The following CA3 variants were observed in gnomAD, a reference collection of about 807,000 sequenced individuals.
The protein encoded by CA3 is carbonic anhydrase 3.
Under a neutral mutation model 35.7 loss-of-function variants are expected in CA3, and 30 were observed. That is an observed-to-expected ratio of 0.84 (90% CI 0.63 to 1.14). CA3 has a LOEUF of 1.14. CA3 is among the 50% of genes most tolerant of loss of function. The pLI, the probability that CA3 is intolerant of heterozygous loss-of-function variation, is 0.00. For synonymous variants in CA3, 131 were observed against 130.8 expected (o/e 1.00, Z -0.01); for missense variants, 295 against 328.5 (o/e 0.90, Z 0.79).
At chr8:85,442,355 C>G in intron 3 of CA3, 164 bp downstream of exon 3, 2 of 597,658 alleles carry the variant, frequency 3.3e-6, no homozygotes, top group South Asian at 1.9e-5. Context: ...GCTGAACATT[C>G]TAGGCTAGAC....
At position 85,442,182 on chromosome 8, in the gene CA3, T is replaced by C. The variant is rs773188037; in HGVS notation, c.342T>C (p.Tyr114=). The change falls in exon 3 of 7, where the codon TAT becomes TAC. Residue 114 remains tyrosine, a synonymous_variant. Coordinates refer to ENST00000285381, the MANE Select transcript of CA3 (RefSeq NM_005181.4). ...AGCACACCGTGGATGGAGTCAAGTATGCAGCGGAGGTAAGAGGAACTGCCA... is the reference window on the plus strand; with the variant it reads ...AGCACACCGTGGATGGAGTCAAGTACGCAGCGGAGGTAAGAGGAACTGCCA... ...GSEHTVDGVK[Y]AAELHLVHWN... The C allele has an allele frequency of 4.2e-5, 66 of 1,556,418 alleles. No homozygotes were observed. The highest frequency in any genetic ancestry group is 5.3e-5 in the Non-Finnish European group (60 of 1,127,252).
At position 85,448,029 on chromosome 8, in the gene CA3, T is replaced by C. The variant is rs201356290; in HGVS notation, c.664-5T>C. The C allele has an allele frequency of 7.2e-5, 116 of 1,610,416 alleles. No homozygotes were observed. In the East Asian group the frequency reaches 2.4e-3, roughly 33 times the overall value. ...TTGTTAACAGTCTGCCCCTGCCCTT[T>C]GCAGATGGCCAAGCTGCGGAGCCTC... On this transcript the variant is annotated splice_region_variant and splice_polypyrimidine_tract_variant and intron_variant, in intron 6 of 6. Coordinates refer to ENST00000285381, the MANE Select transcript of CA3 (RefSeq NM_005181.4).
intron 2 of CA3, 130 bp from the exon 3 acceptor site, chr8:85,441,943 G>A: frequency 2.9e-6 from 2 of 684,616 alleles, no homozygotes. Context: ...TGTCCTGGGA[G>A]TGGCACCATC....
chr8:85,442,167 G>T lies in CA3; in HGVS notation c.327G>T (p.Val109=), dbSNP rs1811217144. ...SSDDHGSEHT[V]DGVKYAAELH... ...ATGATCATGGCTCTGAGCACACCGT[G>T]GATGGAGTCAAGTATGCAGCGGAGG... is the stretch of plus-strand genomic sequence containing the variant. The change falls in exon 3 of 7, where the codon GTG becomes GTT. Residue 109 remains valine (V), a synonymous_variant. Coordinates refer to ENST00000285381, the MANE Select transcript of CA3 (RefSeq NM_005181.4). 6.3e-7 allele frequency: 1 copy of T among 1,599,668 alleles called. No homozygotes were observed. Among genetic ancestry groups the T allele is most frequent in the Admixed American group, 1.7e-5 (1 of 59,996 alleles).
intron 2 of CA3, among the ~76,000 whole-genome samples, chr8:85,440,559 A>G (rs2130499844): frequency 6.6e-6 from 1 of 152,322 alleles, no homozygotes. Flanking sequence ...AAATCTCTTT[A>G]TTTCACCTAC....
At position 85,443,206 on chromosome 8, in the gene CA3, A is replaced by T. The variant is rs1247213912; in HGVS notation, c.352-828A>T. Among the ~76,000 whole-genome samples the T allele has an allele frequency of 2.0e-5, 3 of 152,200 alleles. No individual in the cohort carries two copies. In the East Asian group the frequency reaches 5.8e-4, roughly 29 times the overall value. ...ACTCTCTGTCTCAGTTAACTCATTA[A>T]AGAAAAACATGAATTTTAACTCAGA... On this transcript the variant is annotated intron_variant, in intron 3 of 6. Coordinates refer to ENST00000285381, the MANE Select transcript of CA3 (RefSeq NM_005181.4).
rs1027869180 is a variant in CA3 at position 85,438,930 on chromosome 8, C to T, written c.21C>T (p.Tyr7=). Residue 7 remains tyrosine (Y), a synonymous_variant, in exon 1 of 7, where the codon TAC becomes TAT. Transcript: ENST00000285381. ...CGACCATGGCCAAGGAGTGGGGCTA[C>T]GCCAGTCACAACGGTGAGTGCAGGC... MAKEWG[Y]ASHNGPDHWH... 3 of 1,551,042 alleles carry T rather than the reference C, an allele frequency of 1.9e-6. No homozygotes were observed. Among genetic ancestry groups the T allele is most frequent in the Non-Finnish European group, 1.7e-6 (2 of 1,146,982 alleles).
Position 85,448,723 on chromosome 8 carries a change from T to A in CA3, c.*570T>A, listed in dbSNP as rs1811329208. The A allele has an allele frequency of 6.6e-6, 1 of 152,254 alleles. No homozygotes were observed. Among genetic ancestry groups the A allele is most frequent in the Non-Finnish European group, 1.5e-5 (1 of 68,042 alleles). The allele number at this position is 152,254 out of a possible 1,614,324, so 9.4% of individuals were successfully genotyped here. On this transcript the variant is annotated 3_prime_UTR_variant, in exon 7 of 7. Transcript: ENST00000285381. ...TTATTGAAGTTTTAGCTACTAAGAT[T>A]ACTTGGTTTTGATTACCAGTGAAAA...
chr8:85,441,684 G>A (rs1363286225), intron 2 of CA3, among the ~76,000 whole-genome samples: 1 of 152,178 alleles, frequency 6.6e-6, no homozygotes, highest in Non-Finnish European at 1.5e-5. Context: ...CTAGCAAGGG[G>A]TGAAGCCAGC....
At chr8:85,443,192 CA>C (rs1188802565) in intron 3 of CA3, among the ~76,000 whole-genome samples, 1 of 152,164 alleles carries the variant, frequency 6.6e-6, no homozygotes, top group Non-Finnish European at 1.5e-5. Flanking sequence ...CTCTCTGTCT[CA>C]GTTAACTCAT....
Position 85,439,280 on chromosome 8 carries a change from C to T in CA3, c.34+337C>T, listed in dbSNP as rs1334821571. Among the ~76,000 whole-genome samples, 4 of 152,126 alleles carry T rather than the reference C, an allele frequency of 2.6e-5. No homozygotes were observed. In the East Asian group the frequency reaches 5.8e-4, roughly 22 times the overall value. ...TTATTCTGTTTTACTGGACAAGCAC[C>T]TAACCTGAGCTTGGTGCCGGTGTGA... On this transcript the variant is annotated intron_variant, in intron 1 of 6. Transcript: ENST00000285381.
rs1033486980 is a variant in CA3 at position 85,446,251 on chromosome 8, T to C, written c.617T>C (p.Ile206Thr). Residue 206 changes from isoleucine to threonine, a missense_variant, in exon 6 of 7, where the codon ATT becomes ACT. By Grantham distance (89) the Ile-to-Thr change is moderately conservative. Coordinates refer to ENST00000285381, the MANE Select transcript of CA3 (RefSeq NM_005181.4). ...ACCACGCCGCCCTGCGAGGAATGCA[T>C]TGTGTGGCTGCTGCTGAAGGAGCCC... ...SFTTPPCEECIVWLLLKEPMT... is the reference protein window; with the variant it reads ...SFTTPPCEECTVWLLLKEPMT... 1.9e-6 allele frequency: 3 copies of C among 1,614,152 alleles called. No homozygotes were observed. The highest frequency in any genetic ancestry group is 1.7e-5 in the Admixed American group (1 of 60,030).
At chr8:85,444,368 G>A (rs766131029) in intron 4 of CA3, among the ~76,000 whole-genome samples, 1 of 151,496 alleles carries the variant, frequency 6.6e-6, no homozygotes, top group South Asian at 2.1e-4. Context: ...AGATGTGGGA[G>A]GTGTGTGTGT....
At chr8:85,447,986 C>A (rs747335336) in intron 6 of CA3, 48 bp from the exon 7 acceptor site, 2 of 1,577,834 alleles carry the variant, frequency 1.3e-6, no homozygotes, top group South Asian at 2.3e-5. Flanking sequence ...CGTAGTGTGT[C>A]CAGTTGATCC....
chr8:85,442,033 A>C, intron 2 of CA3, 40 bp from the exon 3 acceptor site: 1 of 977,996 alleles, frequency 1.0e-6, no homozygotes, highest in Non-Finnish European at 1.7e-6. Context: ...CTGTAAAAGA[A>C]GCATGAATTC....
rs1198527904 is a variant in CA3, at chr8:85,448,062, G to A, written c.692G>A (p.Ser231Asn). Residue 231 changes from serine to asparagine, a missense_variant, in exon 7 of 7, where the codon AGT (serine) becomes AAT (asparagine). Physicochemically the swap from Ser to Asn is conservative, Grantham distance 46. Coordinates refer to ENST00000285381, the MANE Select transcript of CA3 (RefSeq NM_005181.4). ...QMAKLRSLLS[S>N]AENEPPVPLV... ...GCCAAGCTGCGGAGCCTCCTCTCCAGTGCTGAGAACGAGCCCCCAGTGCCT... is the reference window on the plus strand; with the variant it reads ...GCCAAGCTGCGGAGCCTCCTCTCCAATGCTGAGAACGAGCCCCCAGTGCCT... The A allele has an allele frequency of 2.5e-6, 4 of 1,613,380 alleles. No homozygotes were observed. Among genetic ancestry groups the A allele is most frequent in the Non-Finnish European group, 3.4e-6 (4 of 1,179,682 alleles).
chr8:85,441,982 A>G, intron 2 of CA3, 91 bp from the exon 3 acceptor site: 1 of 776,424 alleles, frequency 1.3e-6, no homozygotes. Flanking sequence ...CATTTTGTCC[A>G]TTAAGCCTTG....
At chr8:85,442,927 T>C (rs1000706967) in intron 3 of CA3, among the ~76,000 whole-genome samples, 1 of 152,088 alleles carries the variant, frequency 6.6e-6, no homozygotes, top group Non-Finnish European at 1.5e-5. Context: ...GGCTGGTGAG[T>C]GCTAGTGCTC....
In CA3 at chr8:85,448,242, TC is replaced by T; in HGVS notation, c.*90del. 1 of 1,366,950 alleles carries T rather than the reference TC, an allele frequency of 7.3e-7. No homozygotes were observed. The allele number at this position is 1,366,950 out of a possible 1,614,324, so 84.7% of individuals were successfully genotyped here. ...TCCTTCTGGTGCTCCTTACTCCAAG[TC>T]TATTTCATTTTTCCACACTGAGCAA... On this transcript the variant is annotated 3_prime_UTR_variant, in exon 7 of 7. Transcript: ENST00000285381.
Sources: allele counts gnomAD v4.1 joint callset (sites outside exome capture counted in the v4.1 genomes callset), GRCh38; gene constraint gnomAD v4.1.1; transcripts MANE v1.5; gene names NCBI Gene and HGNC (gene_info 2026-07-23, HGNC 2026-07-21).